The following MDGA2 variants were observed in gnomAD, a reference collection of about 807,000 sequenced individuals.
MDGA2 encodes the protein MAM domain containing glycosylphosphatidylinositol anchor 2.
MDGA2 carries 40 observed loss-of-function variants against 117.8 expected under a neutral mutation model. The ratio of observed to expected loss-of-function variants is 0.34; its 90% CI spans 0.26 to 0.44. MDGA2 has a LOEUF of 0.44. Among genes scored for constraint, MDGA2 ranks in the 20% least tolerant of loss-of-function variants. The probability of loss-of-function intolerance (pLI) is 1.00; values close to 1 mark genes in which losing one functional copy is unlikely to be tolerated. For missense variants in MDGA2, 1,123 were observed against 1,250.6 expected (o/e 0.90, Z 1.54); for synonymous variants, 452 against 439.0 (o/e 1.03, Z -0.37).
intron 3 of MDGA2, among the ~76,000 whole-genome samples, chr14:47,180,900 G>A (rs951010566): frequency 6.6e-6 from 1 of 152,074 alleles, no homozygotes; most frequent in Admixed American, 6.6e-5. Flanking sequence ...CAGCTTGGGC[G>A]ACAGAGCGAG....
chr14:47,423,975 G>C (rs2138512547), intron 1 of MDGA2, among the ~76,000 whole-genome samples: 1 of 152,056 alleles, frequency 6.6e-6, no homozygotes, highest in South Asian at 2.1e-4. Flanking sequence ...ACCATACCTG[G>C]CTAATTTTTG....
chr14:47,467,836 G>A (rs531359181), intron 1 of MDGA2, among the ~76,000 whole-genome samples: 16 of 152,044 alleles, frequency 1.1e-4, no homozygotes, highest in African/African-American at 3.6e-4. Flanking sequence ...TTGTTGACTG[G>A]TCTTATACAA....
At chr14:47,367,352 A>G (rs111525559) in intron 1 of MDGA2, among the ~76,000 whole-genome samples, 1 of 152,220 alleles carries the variant, frequency 6.6e-6, no homozygotes, top group Non-Finnish European at 1.5e-5. Flanking sequence ...GTACCAAAAA[A>G]GAGTATGAAA....
intron 5 of MDGA2, among the ~76,000 whole-genome samples, chr14:47,121,500 GTAGA>G (rs1429862854): frequency 6.6e-5 from 10 of 152,008 alleles, no homozygotes; most frequent in Non-Finnish European, 8.8e-5. Flanking sequence ...ATATATATTA[GTAGA>G]TAGATTATAT....
intron 2 of MDGA2, among the ~76,000 whole-genome samples, chr14:47,265,024 C>T (rs1887919385): frequency 6.6e-6 from 1 of 152,076 alleles, no homozygotes; most frequent in Non-Finnish European, 1.5e-5. Flanking sequence ...ACAAGTAGCT[C>T]TCTAAACAAA....
chr14:47,169,879 T>C lies in MDGA2; in HGVS notation c.596-25605A>G, dbSNP rs910903397. Among the ~76,000 whole-genome samples the C allele has an allele frequency of 1.1e-4, 17 of 152,200 alleles. No individual in the cohort carries two copies. In the East Asian group the frequency reaches 2.1e-3, roughly 19 times the overall value. Reference sequence around the variant, plus strand: ...TCCTCTAAAATATAAGTCAAATATATTTAAATGAGAAAACTCACCCAGAAA... The same window carrying C: ...TCCTCTAAAATATAAGTCAAATATACTTAAATGAGAAAACTCACCCAGAAA... On this transcript the variant is annotated intron_variant, in intron 3 of 16. Coordinates refer to ENST00000399232, the MANE Select transcript of MDGA2 (RefSeq NM_001113498.3).
intron 5 of MDGA2, among the ~76,000 whole-genome samples, chr14:47,114,281 A>C (rs887994937): frequency 6.6e-6 from 1 of 152,226 alleles, no homozygotes; most frequent in South Asian, 2.1e-4. Context: ...AGAGGACACA[A>C]ACAAATGGAA....
intron 1 of MDGA2, among the ~76,000 whole-genome samples, chr14:47,456,265 G>A (rs1356601804): frequency 6.6e-6 from 1 of 150,646 alleles, no homozygotes; most frequent in Non-Finnish European, 1.5e-5. Context: ...ATAGACAATT[G>A]AGTCAGTGTG....
intron 3 of MDGA2, among the ~76,000 whole-genome samples, chr14:47,144,619 A>AC (rs1491056516): frequency 6.6e-6 from 1 of 152,022 alleles, no homozygotes; most frequent in Non-Finnish European, 1.5e-5. Context: ...ACAAAAAAAA[A>AC]ATTAATATCA....
intron 1 of MDGA2, among the ~76,000 whole-genome samples, chr14:47,548,838 C>T (rs1238757265): frequency 2.0e-5 from 3 of 152,038 alleles, no homozygotes; most frequent in African/African-American, 7.2e-5. Flanking sequence ...CTTCTCTTTC[C>T]TTAAATTGTC....
At chr14:47,506,366 T>C (rs1894511969) in intron 1 of MDGA2, among the ~76,000 whole-genome samples, 2 of 152,232 alleles carry the variant, frequency 1.3e-5, no homozygotes, top group Non-Finnish European at 2.9e-5. Context: ...CCCAACCTTG[T>C]TCACACCCAG....
At chr14:47,654,134 A>C (rs1213606702) in intron 1 of MDGA2, among the ~76,000 whole-genome samples, 1 of 152,176 alleles carries the variant, frequency 6.6e-6, no homozygotes, top group Non-Finnish European at 1.5e-5. Context: ...TTGTGTAAAA[A>C]TTCCTTAGGT....
At chr14:47,357,190 G>T (rs1418532459) in intron 1 of MDGA2, among the ~76,000 whole-genome samples, 1 of 152,100 alleles carries the variant, frequency 6.6e-6, no homozygotes, top group Admixed American at 6.5e-5. Context: ...GAGCCTACAG[G>T]GGCTCATCTG....
At chr14:46,966,707 T>C (rs1479727029) in intron 8 of MDGA2, among the ~76,000 whole-genome samples, 1 of 148,598 alleles carries the variant, frequency 6.7e-6, no homozygotes, top group Non-Finnish European at 1.5e-5. Flanking sequence ...TTAAGGATTT[T>C]AGTTGTAATA....
chr14:47,088,865 G>A (rs1246348258), intron 6 of MDGA2, among the ~76,000 whole-genome samples: 1 of 152,148 alleles, frequency 6.6e-6, no homozygotes, highest in Admixed American at 6.5e-5. Context: ...GCCAGTGACA[G>A]TCAGTTCTAT....
At chr14:46,883,180 G>T (rs578094257) in intron 10 of MDGA2, among the ~76,000 whole-genome samples, 1 of 151,880 alleles carries the variant, frequency 6.6e-6, no homozygotes. Flanking sequence ...TATACAAACC[G>T]AATTCATAAA....
At chr14:47,554,602 T>A (rs1895648959) in intron 1 of MDGA2, among the ~76,000 whole-genome samples, 1 of 152,204 alleles carries the variant, frequency 6.6e-6, no homozygotes, top group Non-Finnish European at 1.5e-5. Context: ...TTTTTAATGT[T>A]ACGTGTTTTG....
Position 47,602,744 on chromosome 14 carries a change from G to A in MDGA2, c.280+71773C>T, listed in dbSNP as rs551512507. On this transcript the variant is annotated intron_variant, in intron 1 of 16. Transcript: ENST00000399232. The stretch of plus-strand genomic sequence containing the variant: ...TAGCATGCAAACCAGACAAAAGAGA[G>A]AGCTTGGTGAAAAGTAGCCCAACAT... Among the ~76,000 whole-genome samples, 4 of 152,276 alleles carry A rather than the reference G, an allele frequency of 2.6e-5. No homozygotes were observed. In the South Asian group the frequency reaches 6.2e-4, roughly 24 times the overall value.
At chr14:47,437,294 T>A (rs1189866953) in intron 1 of MDGA2, among the ~76,000 whole-genome samples, 1 of 152,136 alleles carries the variant, frequency 6.6e-6, no homozygotes, top group Non-Finnish European at 1.5e-5. Flanking sequence ...AGAATAAAGA[T>A]GATAAGGCTC....
Sources: gnomAD v4.1 joint callset for allele counts (sites outside exome capture counted in the v4.1 genomes callset) on GRCh38, gnomAD v4.1.1 for gene constraint, MANE v1.5 for transcripts, NCBI Gene and HGNC (gene_info 2026-07-23, HGNC 2026-07-21) for gene names.